The following PHC2 variants were observed in gnomAD, a reference collection of about 807,000 sequenced individuals.
The protein encoded by PHC2 is polyhomeotic-like protein 2.
Under a neutral mutation model 87.4 loss-of-function variants are expected in PHC2, and 29 were observed. The observed-to-expected ratio is 0.33, with a 90% CI of 0.25 to 0.45. PHC2 has a LOEUF of 0.45. PHC2 is among the 20% of genes least tolerant of loss of function. The probability of loss-of-function intolerance (pLI) is 1.00; values close to 1 mark genes in which losing one functional copy is unlikely to be tolerated. For synonymous variants in PHC2, 438 were observed against 461.7 expected (o/e 0.95, Z 0.66); for missense variants, 857 against 1,136.7 (o/e 0.75, Z 3.54).
At chr1:33,327,207 G>A (rs1302782419) in intron 14 of PHC2, among the ~76,000 whole-genome samples, 1 of 152,164 alleles carries the variant, frequency 6.6e-6, no homozygotes, top group Non-Finnish European at 1.5e-5. Context: ...GGATGGGCAT[G>A]TCTGTAATGG....
At chr1:33,372,186 A>G in intron 3 of PHC2, 103 bp downstream of exon 3, 1 of 1,167,976 alleles carries the variant, frequency 8.6e-7, no homozygotes. Context: ...GGTTGCAGGT[A>G]AGAGAAGGAT....
chr1:33,331,634 G>A lies in PHC2; in HGVS notation c.1892-172C>T. 1 of 525,914 alleles carries A rather than the reference G, an allele frequency of 1.9e-6. No individual in the cohort carries two copies. 32.6% of individuals were successfully genotyped at this position (525,914 alleles called of 1,614,324 possible). A position where few individuals can be genotyped will look rare whatever the true frequency, so the allele number is the denominator to read the frequency against. ...TGCCAGTGGTTCTCACCCCTGGAAT[G>A]CACTCAAGGGTGTCTGGGGATGCCC... On this transcript the variant is annotated intron_variant, in intron 11 of 14. Coordinates refer to ENST00000683057, the MANE Select transcript of PHC2 (RefSeq NM_001385109.1). The surrounding 1 kb of genome is among the most constrained non-coding windows in gnomAD (Gnocchi z 5.2).
At chr1:33,347,688 A>T (rs992357980) in intron 9 of PHC2, 6 of 985,370 alleles carry the variant, frequency 6.1e-6, no homozygotes, top group Non-Finnish European at 7.2e-6. Flanking sequence ...GGCTGGAGGA[A>T]AAAGATGTCT....
chr1:33,326,948 CAAAAACA>C (rs1646384616), intron 14 of PHC2, among the ~76,000 whole-genome samples: 1 of 151,806 alleles, frequency 6.6e-6, no homozygotes, highest in East Asian at 1.9e-4. Context: ...GCCTCTATCT[CAAAAACA>C]AAAAACAAAA....
intron 7 of PHC2, among the ~76,000 whole-genome samples, chr1:33,360,083 A>G (rs1363275290): frequency 2.0e-5 from 3 of 152,232 alleles, no homozygotes; most frequent in Non-Finnish European, 4.4e-5. Flanking sequence ...CCCTAAAGCA[A>G]TAGCCACACA....
chr1:33,334,248 G>A lies in PHC2; in HGVS notation c.1603C>T (p.Pro535Ser). 1 of 1,611,896 alleles carries A rather than the reference G, an allele frequency of 6.2e-7. No individual in the cohort carries two copies. Among genetic ancestry groups the A allele is most frequent in the South Asian group, 1.1e-5 (1 of 90,862 alleles). ...TTTCCGTTCCCTGAGGTCATGCCGG[G>A]GCTGCTGAGGTCGGTCAGTGCATGA... is the stretch of plus-strand genomic sequence containing the variant. ...IVHALTDLSSPGMTSGNGNSA... is the reference protein window; with the variant it reads ...IVHALTDLSSSGMTSGNGNSA... The change falls in exon 10 of 15, where the codon CCC becomes TCC. Residue 535 changes from proline to serine, a missense_variant. Physicochemically the swap from Pro to Ser is moderately conservative, Grantham distance 74. This residue lies in a region of PHC2 where 832 missense variants were observed against 1,081.8 expected (regional missense o/e 0.77). Transcript: ENST00000683057. This position sits in a 1 kb window ranked among gnomAD's most constrained non-coding sequence, Gnocchi z 5.5.
chr1:33,393,458 AAG>A (rs1649158439), intron 1 of PHC2, among the ~76,000 whole-genome samples: 1 of 133,456 alleles, frequency 7.5e-6, no homozygotes, highest in Non-Finnish European at 1.5e-5. Context: ...AGACCTTTTC[AAG>A]AGGTTTTTTT....
At chr1:33,329,199 A>G (rs1646436336) in intron 13 of PHC2, 53 bp from the exon 14 acceptor site, 1 of 1,571,428 alleles carries the variant, frequency 6.4e-7, no homozygotes, top group South Asian at 1.1e-5. Context: ...CTCTAGCAGC[A>G]GTGATGAACA....
intron 1 of PHC2, among the ~76,000 whole-genome samples, chr1:33,402,009 T>C (rs901109262): frequency 1.3e-5 from 2 of 152,136 alleles, no homozygotes; most frequent in Non-Finnish European, 1.5e-5. Context: ...TTTATGTTCG[T>C]CAAAGGCATA....
chr1:33,398,011 AT>A (rs1649365748), intron 1 of PHC2, among the ~76,000 whole-genome samples: 1 of 152,208 alleles, frequency 6.6e-6, no homozygotes, highest in African/African-American at 2.4e-5. Flanking sequence ...GTTAAATAAT[AT>A]TACAAGAATG....
intron 1 of PHC2, among the ~76,000 whole-genome samples, chr1:33,418,052 T>A (rs894262989): frequency 6.6e-6 from 1 of 152,038 alleles, no homozygotes; most frequent in East Asian, 1.9e-4. Context: ...ACATTACGTA[T>A]CAAAATCTGT....
chr1:33,328,792 C>T (rs1323510343), intron 14 of PHC2, 78 bp downstream of exon 14: 27 of 1,411,750 alleles, frequency 1.9e-5, no homozygotes, highest in Non-Finnish European at 2.3e-5. Context: ...ACTACCTAAT[C>T]CTCCTGGTGG....
intron 9 of PHC2, among the ~76,000 whole-genome samples, chr1:33,339,976 G>C (rs990034231): frequency 6.6e-6 from 1 of 152,148 alleles, no homozygotes. Flanking sequence ...ACTAACATCT[G>C]CAACAGGTAT....
intron 1 of PHC2, among the ~76,000 whole-genome samples, chr1:33,379,309 ACCC>A (rs1219419722): frequency 1.6e-4 from 3 of 18,268 alleles, no homozygotes; most frequent in Admixed American, 5.6e-4. Context: ...CTGCCCCCCC[ACCC>A]CCCCACTGCC....
At chr1:33,362,152 G>GTGAT in intron 7 of PHC2, among the ~76,000 whole-genome samples, 1 of 152,326 alleles carries the variant, frequency 6.6e-6, no homozygotes, top group South Asian at 2.1e-4. Flanking sequence ...TCTGTAAATG[G>GTGAT]TGATACATAG....
Position 33,354,523 on chromosome 1 carries a change from C to T in PHC2, c.1436G>A (p.Gly479Glu). 5.0e-6 allele frequency: 8 copies of T among 1,614,124 alleles called. No homozygotes were observed. Among genetic ancestry groups the T allele is most frequent in the Non-Finnish European group, 6.8e-6 (8 of 1,180,000 alleles). Residue 479 changes from glycine (G) to glutamate (E), a missense_variant, in exon 9 of 15, where the codon GGG (glycine) becomes GAG (glutamate). Around this residue, in one of 3 missense-constraint regions of PHC2, gnomAD observed 832 missense variants for 1,081.8 expected, o/e 0.77. Transcript: ENST00000683057. ...CCGCGTCTCAGGCACACTTTTCTCC[C>T]CTGGTGCCACTTCTTTCCAGTCATC... The part of the protein sequence containing the change: ...VPDDWKEVAP[G>E]EKSVPETRSG...
In PHC2 at chr1:33,332,237, G is replaced by A. The variant is rs199726137; in HGVS notation, c.1891+38C>T. On this transcript the variant is annotated intron_variant, in intron 11 of 14. Coordinates refer to ENST00000683057, the MANE Select transcript of PHC2 (RefSeq NM_001385109.1). The surrounding 1 kb of genome is among the most constrained non-coding windows in gnomAD (Gnocchi z 4.2). ...GTGTGAGGCCTGCCTTTCCAGCCAC[G>A]CTGGGAGGCCGAGAGATTCAGGGTC... is the stretch of plus-strand genomic sequence containing the variant. The A allele has an allele frequency of 4.8e-4, 781 of 1,613,000 alleles. No individual in the cohort carries two copies. The highest frequency in any genetic ancestry group is 7.6e-4 in the East Asian group (34 of 44,884).
rs1411093799 is a variant in PHC2, at chr1:33,349,902, C to A, written c.1558+4499G>T. The A allele has an allele frequency of 9.2e-6, 9 of 974,608 alleles. No homozygotes were observed. The highest frequency in any genetic ancestry group is 1.8e-5 in the African/African-American group (1 of 55,630). The allele number at this position is 974,608 out of a possible 1,614,324, so 60.4% of individuals were successfully genotyped here. A position where few individuals can be genotyped will look rare whatever the true frequency, so the allele number is the denominator to read the frequency against. On this transcript the variant is annotated intron_variant, in intron 9 of 14. Transcript: ENST00000683057. The surrounding 1 kb of genome is among the most constrained non-coding windows in gnomAD (Gnocchi z 4.2). ...TGCAGCCGCCGCGGAGACAATGCGG[C>A]GAGTCTGGGACGGCTCCCGCGGCCG... is the stretch of plus-strand genomic sequence containing the variant.
At chr1:33,326,453 C>T (rs1456613014) in intron 14 of PHC2, 5 of 152,648 alleles carry the variant, frequency 3.3e-5, no homozygotes, top group East Asian at 1.9e-4. Context: ...AGGCATGCCT[C>T]GCAGATCCTC....
Sources: gnomAD v4.1 joint callset for allele counts (sites outside exome capture counted in the v4.1 genomes callset) on GRCh38, gnomAD v4.1.1 for gene constraint, gnomAD v4.1.1 regional missense constraint, Gnocchi (gnomAD v3.1) non-coding constraint, MANE v1.5 for transcripts, NCBI Gene and HGNC (gene_info 2026-07-23, HGNC 2026-07-21) for gene names.